Variants in ROBO1 observed in about 807,000 individuals in gnomAD.
ROBO1 encodes roundabout homolog 1.
Under a neutral mutation model 195.9 loss-of-function variants are expected in ROBO1, and 149 were observed. That is an observed-to-expected ratio of 0.76 (90% CI 0.67 to 0.87). The LOEUF is 0.87. ROBO1 is among the 40% of genes least tolerant of loss of function. The probability of loss-of-function intolerance (pLI) is 0.00; values close to 1 mark genes in which losing one functional copy is unlikely to be tolerated. For synonymous variants in ROBO1, 816 were observed against 733.2 expected (o/e 1.11, Z -1.82); for missense variants, 1,933 against 2,068.3 (o/e 0.93, Z 1.27).
chr3:78,829,024 G>C (rs961453227), intron 4 of ROBO1, among the ~76,000 whole-genome samples: 2 of 152,158 alleles, frequency 1.3e-5, no homozygotes, highest in African/African-American at 4.8e-5. Flanking sequence ...AGCACCGTTA[G>C]GCAAAGTTCA....
chr3:79,043,505 G>T (rs1175389771), intron 3 of ROBO1, among the ~76,000 whole-genome samples: 1 of 151,864 alleles, frequency 6.6e-6, no homozygotes, highest in Non-Finnish European at 1.5e-5. Flanking sequence ...TCTAAATAGT[G>T]TGTCAAATTG....
chr3:79,338,948 C>G (rs2034795746), intron 2 of ROBO1, among the ~76,000 whole-genome samples: 1 of 152,126 alleles, frequency 6.6e-6, no homozygotes, highest in African/African-American at 2.4e-5. Context: ...ATCCCTCCAG[C>G]CTTTCTCTTT....
chr3:78,825,831 C>T (rs1316537907), intron 4 of ROBO1, among the ~76,000 whole-genome samples: 2 of 152,082 alleles, frequency 1.3e-5, no homozygotes, highest in African/African-American at 4.8e-5. Flanking sequence ...AATCTCAATG[C>T]CTTAATTAAA....
chr3:78,837,682 C>A (rs931246342), intron 4 of ROBO1, among the ~76,000 whole-genome samples: 1 of 151,792 alleles, frequency 6.6e-6, no homozygotes, highest in Non-Finnish European at 1.5e-5. Context: ...AGCATTCAAA[C>A]TAAATAATGA....
At chr3:79,175,125 G>A (rs1240713246) in intron 2 of ROBO1, among the ~76,000 whole-genome samples, 1 of 151,952 alleles carries the variant, frequency 6.6e-6, no homozygotes, top group East Asian at 1.9e-4. Context: ...TTTACCATTA[G>A]CTGGATAGTT....
intron 2 of ROBO1, among the ~76,000 whole-genome samples, chr3:79,413,774 A>AT (rs2037879951): frequency 6.6e-6 from 1 of 152,132 alleles, no homozygotes; most frequent in East Asian, 1.9e-4. Flanking sequence ...AAAGATCCAT[A>AT]AAGGGAACTT....
At chr3:79,547,184 C>CAAAAAAAAAAA (rs1162585941) in intron 2 of ROBO1, among the ~76,000 whole-genome samples, 11 of 23,276 alleles carry the variant, frequency 4.7e-4, no homozygotes, top group Non-Finnish European at 6.2e-4. Flanking sequence ...GACTCCGCCT[C>CAAAAAAAAAAA]AAAAAAAAAA....
intron 2 of ROBO1, among the ~76,000 whole-genome samples, chr3:79,256,521 T>C (rs1489315941): frequency 6.6e-6 from 1 of 152,174 alleles, no homozygotes. Context: ...AATAACATTT[T>C]GTCAATACTT....
At chr3:78,871,539 A>G (rs531610398) in intron 4 of ROBO1, among the ~76,000 whole-genome samples, 181 of 152,242 alleles carry the variant, frequency 1.2e-3, no homozygotes, top group Admixed American at 2.0e-3. Flanking sequence ...CTTAATTTAA[A>G]TAAGATGACA....
Position 79,391,377 on chromosome 3 carries a change from C to T in ROBO1, c.88+198447G>A, listed in dbSNP as rs573886493. 3.2e-4 allele frequency among the ~76,000 whole-genome samples: 48 copies of T among 152,262 alleles called. No individual in the cohort carries two copies. In the South Asian group the frequency reaches 5.0e-3, roughly 16 times the overall value. On this transcript the variant is annotated intron_variant, in intron 2 of 30. Transcript: ENST00000464233. ...AACACAGACGGAACAACTCTATACA[C>T]ATTATTTTTACAATTTTTAAAAAAT...
intron 2 of ROBO1, among the ~76,000 whole-genome samples, chr3:79,305,483 A>G (rs2033175050): frequency 7.7e-6 from 1 of 129,484 alleles, no homozygotes; most frequent in Non-Finnish European, 1.6e-5. Flanking sequence ...GGAAAACTCC[A>G]TCTCAAAAAA....
chr3:78,898,049 GA>G (rs1286213167), intron 4 of ROBO1, among the ~76,000 whole-genome samples: 3 of 150,910 alleles, frequency 2.0e-5, no homozygotes, highest in Non-Finnish European at 3.0e-5. Flanking sequence ...ATTACAAAAT[GA>G]AATTGCTTTC....
chr3:78,989,621 T>A (rs2077189917), intron 3 of ROBO1, among the ~76,000 whole-genome samples: 1 of 151,882 alleles, frequency 6.6e-6, no homozygotes, highest in Non-Finnish European at 1.5e-5. Context: ...CTGAAAAAAA[T>A]AATAATAAAT....
chr3:78,899,877 T>C (rs976080628), intron 4 of ROBO1, among the ~76,000 whole-genome samples: 5 of 152,186 alleles, frequency 3.3e-5, no homozygotes, highest in African/African-American at 9.6e-5. Flanking sequence ...ATTTGGAACT[T>C]AGACAATAAA....
chr3:79,314,180 T>C (rs998547253), intron 2 of ROBO1, among the ~76,000 whole-genome samples: 3 of 152,148 alleles, frequency 2.0e-5, no homozygotes, highest in African/African-American at 7.2e-5. Flanking sequence ...TTCTCCCACC[T>C]CAAACATACA....
At chr3:79,510,018 C>T (rs142643708) in intron 2 of ROBO1, among the ~76,000 whole-genome samples, 1,592 of 151,620 alleles carry the variant, frequency 0.01, 23 homozygotes, top group Middle Eastern at 0.041. Flanking sequence ...AAAAAACCAA[C>T]CATTCATACA....
chr3:79,348,970 C>T (rs1407545866), intron 2 of ROBO1, among the ~76,000 whole-genome samples: 1 of 152,152 alleles, frequency 6.6e-6, no homozygotes, highest in Non-Finnish European at 1.5e-5. Flanking sequence ...CAATCCACTG[C>T]TTTAATAATA....
intron 2 of ROBO1, among the ~76,000 whole-genome samples, chr3:79,306,263 G>A (rs962386459): frequency 6.6e-6 from 1 of 152,188 alleles, no homozygotes; most frequent in African/African-American, 2.4e-5. Context: ...GTGTGGTGAT[G>A]GAAGGGGAAG....
chr3:79,158,234 A>C (rs904434459), intron 2 of ROBO1, among the ~76,000 whole-genome samples: 6 of 151,404 alleles, frequency 4.0e-5, no homozygotes, highest in Non-Finnish European at 7.4e-5. Context: ...TCTGTAATCT[A>C]TCTGTTCTTG....
Sources: gnomAD v4.1 joint callset for allele counts (sites outside exome capture counted in the v4.1 genomes callset) on GRCh38, gnomAD v4.1.1 for gene constraint, MANE v1.5 for transcripts, NCBI Gene and HGNC (gene_info 2026-07-23, HGNC 2026-07-21) for gene names.